FAM210A: variants seen among roughly 807,000 people sequenced by gnomAD.
FAM210A encodes mitochondrial inner membrane scaffold 1, also known as family with sequence similarity 210 member A.
FAM210A carries 13 observed loss-of-function variants against 25.3 expected under a neutral mutation model. That is an observed-to-expected ratio of 0.51 (90% CI 0.33 to 0.82). The LOEUF is 0.82. Among genes scored for constraint, FAM210A ranks in the 40% least tolerant of loss-of-function variants. The probability of loss-of-function intolerance (pLI) is 0.02; values close to 1 mark genes in which losing one functional copy is unlikely to be tolerated. For synonymous variants in FAM210A, 125 were observed against 118.7 expected (o/e 1.05, Z -0.35); for missense variants, 319 against 323.2 (o/e 0.99, Z 0.10).
intron 2 of FAM210A, among the ~76,000 whole-genome samples, chr18:13,681,121 T>TA (rs1419498084): frequency 6.6e-6 from 1 of 152,210 alleles, no homozygotes; most frequent in Non-Finnish European, 1.5e-5. Context: ...AAGAAATATA[T>TA]AATTATGGAG....
intron 3 of FAM210A, among the ~76,000 whole-genome samples, chr18:13,669,003 G>C (rs953509162): frequency 2.0e-5 from 3 of 152,082 alleles, no homozygotes; most frequent in Admixed American, 6.6e-5. Flanking sequence ...TCAGAAAATG[G>C]CAATTCTATT....
At chr18:13,690,143 G>T (rs1187244886) in intron 1 of FAM210A, among the ~76,000 whole-genome samples, 1 of 152,232 alleles carries the variant, frequency 6.6e-6, no homozygotes. Context: ...CCCCCACGGA[G>T]CCTCGCTCAC....
intron 3 of FAM210A, among the ~76,000 whole-genome samples, chr18:13,669,132 T>C (rs1382215731): frequency 6.6e-6 from 1 of 152,124 alleles, no homozygotes. Flanking sequence ...GTATCGAGAA[T>C]CCAACTACTT....
intron 1 of FAM210A, among the ~76,000 whole-genome samples, chr18:13,693,548 G>C (rs944447965): frequency 1.3e-5 from 2 of 152,164 alleles, no homozygotes; most frequent in Admixed American, 1.3e-4. Context: ...CATCCACCAG[G>C]ATCAAGTTGG....
intron 1 of FAM210A, among the ~76,000 whole-genome samples, chr18:13,689,447 C>T (rs1003779524): frequency 3.3e-5 from 5 of 152,184 alleles, no homozygotes; most frequent in African/African-American, 9.7e-5. Flanking sequence ...ATTCCCAACA[C>T]CTATTCATGA....
chr18:13,705,028 A>G (rs1450177914), intron 1 of FAM210A, among the ~76,000 whole-genome samples: 1 of 152,214 alleles, frequency 6.6e-6, no homozygotes, highest in African/African-American at 2.4e-5. Context: ...TAATAACCTT[A>G]GAATCATATC....
chr18:13,667,196 TCC>T (rs2043407626), intron 3 of FAM210A, among the ~76,000 whole-genome samples: 1 of 152,214 alleles, frequency 6.6e-6, no homozygotes, highest in African/African-American at 2.4e-5. Flanking sequence ...CACTTCCAAA[TCC>T]CTTTCCTTTG....
At chr18:13,717,365 A>G (rs2043869158) in intron 1 of FAM210A, among the ~76,000 whole-genome samples, 1 of 151,968 alleles carries the variant, frequency 6.6e-6, no homozygotes, top group Admixed American at 6.6e-5. Context: ...CTAGTCTCGA[A>G]CTCCTGGGCT....
chr18:13,680,342 C>T (rs2043541914), intron 2 of FAM210A, among the ~76,000 whole-genome samples: 1 of 152,092 alleles, frequency 6.6e-6, no homozygotes, highest in Non-Finnish European at 1.5e-5. Flanking sequence ...ATAAAATATA[C>T]ACCTAAAGAA....
chr18:13,697,158 T>C (rs940932578), intron 1 of FAM210A, among the ~76,000 whole-genome samples: 1 of 152,092 alleles, frequency 6.6e-6, no homozygotes, highest in African/African-American at 2.4e-5. Context: ...AATGACAAAA[T>C]TGCCTAACTA....
intron 1 of FAM210A, among the ~76,000 whole-genome samples, chr18:13,689,463 A>G (rs1448741737): frequency 6.6e-6 from 1 of 152,210 alleles, no homozygotes; most frequent in Non-Finnish European, 1.5e-5. Flanking sequence ...CATGATTAAA[A>G]ACAAATTTCT....
chr18:13,666,698 G>C lies in FAM210A; in HGVS notation c.601C>G (p.Arg201Gly). The C allele has an allele frequency of 2.5e-6, 4 of 1,613,208 alleles. No homozygotes were observed. Among genetic ancestry groups the C allele is most frequent in the Non-Finnish European group, 3.4e-6 (4 of 1,179,422 alleles). Reference protein sequence around the residue: ...YALFKIATPARYTVTLGGTSV... With the variant: ...YALFKIATPAGYTVTLGGTSV... ...GTTCCTCCCAAAGTCACGGTATACCGAGCAGGTGTTGCAATCTTAAGCAAA... is the reference window on the plus strand; with the variant it reads ...GTTCCTCCCAAAGTCACGGTATACCCAGCAGGTGTTGCAATCTTAAGCAAA... Residue 201 changes from arginine (R) to glycine (G), a missense_variant, in exon 4 of 4, where the codon CGG becomes GGG. Physicochemically the swap from Arg to Gly is moderately radical, Grantham distance 125. Coordinates refer to ENST00000651643, the MANE Select transcript of FAM210A (RefSeq NM_152352.4).
intron 1 of FAM210A, among the ~76,000 whole-genome samples, chr18:13,696,373 A>T (rs1342484970): frequency 1.2e-4 from 19 of 152,218 alleles, no homozygotes; most frequent in Admixed American, 1.2e-3. Context: ...GGTAAGTTGG[A>T]CTTCACTAAA....
intron 1 of FAM210A, among the ~76,000 whole-genome samples, chr18:13,696,845 CA>C (rs2043698660): frequency 6.6e-6 from 1 of 152,126 alleles, no homozygotes; most frequent in Non-Finnish European, 1.5e-5. Context: ...ACAGTATTTA[CA>C]AAGTCCACAG....
chr18:13,690,796 A>C (rs1479715245), intron 1 of FAM210A, among the ~76,000 whole-genome samples: 2 of 152,236 alleles, frequency 1.3e-5, no homozygotes, highest in Admixed American at 6.5e-5. Context: ...ACAACAAAGA[A>C]GGGGAGAAAC....
chr18:13,668,650 G>A (rs2043419900), intron 3 of FAM210A, among the ~76,000 whole-genome samples: 2 of 152,180 alleles, frequency 1.3e-5, no homozygotes, highest in Non-Finnish European at 2.9e-5. Flanking sequence ...TTCACAGAGT[G>A]TACTTACACA....
chr18:13,683,563 CTTT>C (rs11301016), intron 1 of FAM210A, among the ~76,000 whole-genome samples: 26 of 137,146 alleles, frequency 1.9e-4, no homozygotes, highest in Non-Finnish European at 2.7e-4. Flanking sequence ...GACTGCAAGC[CTTT>C]TTTTTTTTTT....
At chr18:13,696,133 G>T (rs1300871760) in intron 1 of FAM210A, among the ~76,000 whole-genome samples, 1 of 152,158 alleles carries the variant, frequency 6.6e-6, no homozygotes, top group Non-Finnish European at 1.5e-5. Context: ...ACTCATTATT[G>T]TTAAGATAGC....
At chr18:13,707,663 T>C (rs1056613107) in intron 1 of FAM210A, among the ~76,000 whole-genome samples, 3 of 152,274 alleles carry the variant, frequency 2.0e-5, no homozygotes, top group African/African-American at 4.8e-5. Flanking sequence ...TCTGTACTTC[T>C]ACATTTGAGT....
Sources: gnomAD v4.1 joint callset for allele counts (sites outside exome capture counted in the v4.1 genomes callset) on GRCh38, gnomAD v4.1.1 for gene constraint, MANE v1.5 for transcripts, NCBI Gene and HGNC (gene_info 2026-07-23, HGNC 2026-07-21) for gene names.